The following C2 variants were observed in gnomAD, a reference collection of about 807,000 sequenced individuals.
The protein encoded by C2 is complement C2, also known as C3/C5 convertase.
Under a neutral mutation model 85.2 loss-of-function variants are expected in C2, and 64 were observed. The ratio of observed to expected loss-of-function variants is 0.75; its 90% CI spans 0.61 to 0.92. The LOEUF is 0.92. C2 is among the 40% of genes least tolerant of loss of function. The pLI is 0.00. For missense variants in C2, 820 were observed against 971.6 expected, an observed-to-expected ratio of 0.84 and a Z score of 2.07; for synonymous variants, 311 against 370.8, an observed-to-expected ratio of 0.84 and a Z score of 1.85.
chr6:31,925,440 A>T (rs1769203581), upstream of C2, among the ~76,000 whole-genome samples: 1 of 151,944 alleles, frequency 6.6e-6, no homozygotes, highest in South Asian at 2.1e-4. Context: ...TTACAGGCGT[A>T]TGCCACCACG....
At chr6:31,900,038 C>T (rs1329967391), upstream of C2, 1 of 1,612,158 alleles carries the variant, frequency 6.2e-7, no homozygotes, top group Non-Finnish European at 8.5e-7. This position sits in a 1 kb window ranked among gnomAD's most constrained non-coding sequence, Gnocchi z 9.7. Context: ...GTGGGCGAAG[C>T]GCACGTCGCA....
At chr6:31,918,897 A>T (rs1768752022), upstream of C2, among the ~76,000 whole-genome samples, 1 of 151,470 alleles carries the variant, frequency 6.6e-6, no homozygotes, top group African/African-American at 2.4e-5. Context: ...AAAAAAAAAA[A>T]AAAAAAATTC....
rs1309817678 is a variant in C2 at position 31,942,849 on chromosome 6, C to T, written c.1220-110C>T. On this transcript the variant is annotated intron_variant, in intron 9 of 17. Transcript: ENST00000299367. ...TAGCAGTGGGGAGGACGCAGGGGTC[C>T]AGCTCATGTAGGTCTTGATTGGACA... 5.8e-6 allele frequency: 8 copies of T among 1,388,024 alleles called. No individual in the cohort carries two copies. The Admixed American group carries it at 8.6e-5, about 15-fold the overall frequency. The allele number at this position is 1,388,024 out of a possible 1,614,324, so 86.0% of individuals were successfully genotyped here.
At chr6:31,906,632 G>T (rs1228276783) in intron 1 of C2, among the ~76,000 whole-genome samples, 3 of 151,788 alleles carry the variant, frequency 2.0e-5, no homozygotes, top group African/African-American at 7.3e-5. Context: ...CACCAAGTCT[G>T]CTCTGCTACC....
chr6:31,900,656 A>C, upstream of C2: 1 of 1,612,832 alleles, frequency 6.2e-7, no homozygotes, highest in South Asian at 1.1e-5. The surrounding 1 kb of genome is among the most constrained non-coding windows in gnomAD (Gnocchi z 9.7). Flanking sequence ...TGCCACCTCC[A>C]GGGCCGACTC....
Position 31,928,165 on chromosome 6 carries a change from G to A in C2, c.256+1G>A, listed in dbSNP as rs761097981. 6.9e-6 allele frequency: 11 copies of A among 1,605,128 alleles called. No individual in the cohort carries two copies. Among genetic ancestry groups the A allele is most frequent in the Admixed American group, 3.4e-5 (2 of 59,570 alleles). ...TCTCTGTCTAAGGCGGTCTGCAAAC[G>A]TGAGGCTCCCTGTGGGCTTTGCTCA... On this transcript the variant is annotated splice_donor_variant, in intron 2 of 17. Coordinates refer to ENST00000299367, the MANE Select transcript of C2 (RefSeq NM_000063.6). LOFTEE classifies it high-confidence loss of function.
upstream of C2, among the ~76,000 whole-genome samples, chr6:31,925,523 A>C (rs1045507555): frequency 4.6e-5 from 7 of 151,814 alleles, no homozygotes; most frequent in Non-Finnish European, 8.8e-5. Context: ...TAACTCCTGA[A>C]CTCAGGTGAT....
At chr6:31,934,644 T>C in intron 6 of C2, 1 of 1,330,270 alleles carries the variant, frequency 7.5e-7, no homozygotes, top group Non-Finnish European at 9.6e-7. Flanking sequence ...TGTGGAATAA[T>C]TTAAATCAGA....
intron 5 of C2, 57 bp from the exon 6 acceptor site, chr6:31,934,109 G>A: frequency 1.3e-6 from 2 of 1,598,858 alleles, no homozygotes; most frequent in South Asian, 1.1e-5. Context: ...GGACCTGCTT[G>A]GCGAGAGCGC....
chr6:31,917,988 A>G (rs1562567945), upstream of C2, among the ~76,000 whole-genome samples: 1 of 151,692 alleles, frequency 6.6e-6, no homozygotes, highest in Non-Finnish European at 1.5e-5. Context: ...TAAAATGAAA[A>G]ATTTGAGCTT....
chr6:31,901,351 G>T, intron 1 of C2: 1 of 1,564,910 alleles, frequency 6.4e-7, no homozygotes, highest in South Asian at 1.2e-5. Context: ...ACCGGTCAGA[G>T]ACAAAGGTCT....
intron 1 of C2, among the ~76,000 whole-genome samples, chr6:31,914,782 A>G (rs1435808838): frequency 2.7e-5 from 4 of 145,908 alleles, no homozygotes; most frequent in Non-Finnish European, 4.5e-5. Flanking sequence ...GCGTGGTGGC[A>G]GGCGCCTGTA....
At chr6:31,900,687 C>CA (rs1283717539), upstream of C2, 1 of 1,611,186 alleles carries the variant, frequency 6.2e-7, no homozygotes, top group Non-Finnish European at 8.5e-7. The surrounding 1 kb of genome is among the most constrained non-coding windows in gnomAD (Gnocchi z 9.7). Flanking sequence ...ATGCAGATGT[C>CA]AGACACGTCC....
rs2151763684 is a variant in C2, at chr6:31,939,294, T to C, written c.1193T>C (p.Ile398Thr). The C allele has an allele frequency of 6.2e-7, 1 of 1,612,524 alleles. No homozygotes were observed. Among genetic ancestry groups the C allele is most frequent in the African/African-American group, 1.3e-5 (1 of 75,024 alleles). Residue 398 changes from isoleucine to threonine, a missense_variant, in exon 9 of 18, where the codon ATC (isoleucine) becomes ACC (threonine). Coordinates refer to ENST00000299367, the MANE Select transcript of C2 (RefSeq NM_000063.6). ...AVDHIREILNINQKRNDYLDI... is the reference protein window; with the variant it reads ...AVDHIREILNTNQKRNDYLDI... Reference sequence around the variant, plus strand: ...GACCATATCAGAGAGATCCTGAACATCAACCAGAAGAGGAATGACTATCTG... The same window carrying C: ...GACCATATCAGAGAGATCCTGAACACCAACCAGAAGAGGAATGACTATCTG...
At chr6:31,918,210 A>C (rs1768690673), upstream of C2, among the ~76,000 whole-genome samples, 1 of 151,872 alleles carries the variant, frequency 6.6e-6, no homozygotes, top group Admixed American at 6.6e-5. Flanking sequence ...GTGGAAGCCC[A>C]GGAGTTTGAG....
intron 1 of C2, among the ~76,000 whole-genome samples, chr6:31,912,549 T>C (rs1005507480): frequency 4.6e-5 from 7 of 152,130 alleles, no homozygotes; most frequent in Non-Finnish European, 7.4e-5. Flanking sequence ...CTTTAGAGAT[T>C]GGTTACCAGG....
intron 1 of C2, among the ~76,000 whole-genome samples, chr6:31,905,200 G>A (rs1767637164): frequency 2.6e-5 from 4 of 151,984 alleles, no homozygotes; most frequent in Non-Finnish European, 5.9e-5. Flanking sequence ...TTGGGAGGCC[G>A]AGGCAGGAGG....
At chr6:31,916,544 G>A (rs546868457), upstream of C2, among the ~76,000 whole-genome samples, 1 of 132,950 alleles carries the variant, frequency 7.5e-6, no homozygotes, top group African/African-American at 2.9e-5. Flanking sequence ...GGGCAACAGA[G>A]TGAGACTCCG....
chr6:31,901,311 C>CG (rs145940099), intron 1 of C2: 1 of 1,601,256 alleles, frequency 6.2e-7, no homozygotes, highest in Non-Finnish European at 8.5e-7. Flanking sequence ...GCCATTGTGG[C>CG]GGGGGTGGGC....
Sources: allele counts gnomAD v4.1 joint callset (sites outside exome capture counted in the v4.1 genomes callset), GRCh38; gene constraint gnomAD v4.1.1; non-coding constraint Gnocchi (gnomAD v3.1); transcripts MANE v1.5; gene names NCBI Gene and HGNC (gene_info 2026-07-23, HGNC 2026-07-21).